CPNE9: variants seen among roughly 807,000 people sequenced by gnomAD.
CPNE9 encodes the protein copine family member 9, also known as copine-9.
CPNE9 carries 59 observed loss-of-function variants against 83.0 expected under a neutral mutation model. The ratio of observed to expected loss-of-function variants is 0.71; its 90% CI spans 0.58 to 0.88. The LOEUF is 0.88. Among genes scored for constraint, CPNE9 ranks in the 40% least tolerant of loss-of-function variants. The probability of loss-of-function intolerance (pLI) is 0.00; values close to 1 mark genes in which losing one functional copy is unlikely to be tolerated. For synonymous variants in CPNE9, 256 were observed against 273.4 expected (o/e 0.94, Z 0.63); for missense variants, 619 against 720.8 (o/e 0.86, Z 1.62).
chr3:9,708,777 C>A (rs573822702), intron 7 of CPNE9, among the ~76,000 whole-genome samples: 4 of 152,068 alleles, frequency 2.6e-5, no homozygotes, highest in African/African-American at 9.6e-5. Context: ...GGACTACAGG[C>A]ACCCGCCACC....
At chr3:9,714,639 TAAAAAAAAAAAAA>T (rs34491669) in intron 10 of CPNE9, among the ~76,000 whole-genome samples, 19 of 103,346 alleles carry the variant, frequency 1.8e-4, no homozygotes, top group African/African-American at 3.5e-4. Context: ...CTCAAAGTGG[TAAAAAAAAAAAAA>T]AAAAAAAAAA....
chr3:9,709,342 A>G (rs1176606088), intron 7 of CPNE9, among the ~76,000 whole-genome samples: 1 of 149,024 alleles, frequency 6.7e-6, no homozygotes, highest in Non-Finnish European at 1.5e-5. Context: ...AAGCAGGAAG[A>G]GAGGTCAAGA....
Position 9,704,441 on chromosome 3 carries a change from A to AC in CPNE9, c.69-145dup, listed in dbSNP as rs1352465978. 2.9e-5 allele frequency: 22 copies of AC among 771,672 alleles called. No homozygotes were observed. The highest frequency in any genetic ancestry group is 5.1e-5 in the Non-Finnish European group (22 of 429,004). The allele number at this position is 771,672 out of a possible 1,614,324, so 47.8% of individuals were successfully genotyped here. ...ATTTCCGGTGCTGTCCAGAGTGCTG[A>AC]CAGAGCGGACCCCGGCTGGGGGTAG... On this transcript the variant is annotated intron_variant, in intron 1 of 20. Transcript: ENST00000383832. This position sits in a 1 kb window ranked among gnomAD's most constrained non-coding sequence, Gnocchi z 7.1.
chr3:9,725,568 G>GTA (rs2076769644), intron 17 of CPNE9, among the ~76,000 whole-genome samples: 1 of 141,092 alleles, frequency 7.1e-6, no homozygotes, highest in East Asian at 2.0e-4. Context: ...GTGTGTGTAT[G>GTA]GATATATATA....
intron 7 of CPNE9, among the ~76,000 whole-genome samples, chr3:9,708,975 GA>G (rs1305338518): frequency 6.7e-6 from 1 of 149,884 alleles, no homozygotes; most frequent in Non-Finnish European, 1.5e-5. Flanking sequence ...GCAAAGGGGA[GA>G]AAAGAAAAGA....
chr3:9,728,748 C>T (rs2076804984), intron 20 of CPNE9, among the ~76,000 whole-genome samples: 1 of 151,512 alleles, frequency 6.6e-6, no homozygotes, highest in African/African-American at 2.4e-5. Context: ...CCTTATCAGC[C>T]CCTCTCCCCC....
Position 9,713,146 on chromosome 3 carries a change from A to G in CPNE9, c.650+67A>G, listed in dbSNP as rs2076646678. On this transcript the variant is annotated intron_variant, in intron 10 of 20. Coordinates refer to ENST00000383832, the MANE Select transcript of CPNE9 (RefSeq NM_153635.3). ...TGCCAGTGTGGTTCCTGGGCCCAAG[A>G]ATGATAGTAGAAGTATCATAATAGC... The G allele has an allele frequency of 3.4e-6, 4 of 1,191,768 alleles. No homozygotes were observed. The Admixed American group carries it at 5.4e-5, about 16-fold the overall frequency. The allele number at this position is 1,191,768 out of a possible 1,614,324, so 73.8% of individuals were successfully genotyped here. A position where few individuals can be genotyped will look rare whatever the true frequency, so the allele number is the denominator to read the frequency against.
chr3:9,712,716 C>A lies in CPNE9; in HGVS notation c.442-9C>A. 1 of 1,613,478 alleles carries A rather than the reference C, an allele frequency of 6.2e-7. No individual in the cohort carries two copies. Among genetic ancestry groups the A allele is most frequent in the Non-Finnish European group, 8.5e-7 (1 of 1,179,432 alleles). On this transcript the variant is annotated splice_polypyrimidine_tract_variant and intron_variant, in intron 8 of 20. Transcript: ENST00000383832. ...GGGGTGCCACCAGCCCAACTTCATC[C>A]ATCCCTAGGACATTGCCACCATGCA...
intron 20 of CPNE9, among the ~76,000 whole-genome samples, chr3:9,728,453 G>A (rs1034366963): frequency 1.1e-4 from 17 of 152,164 alleles, no homozygotes; most frequent in Admixed American, 5.9e-4. Context: ...GAGAAACCCC[G>A]TCTCTACTAA....
chr3:9,707,671 G>T (rs1302625313), intron 7 of CPNE9, among the ~76,000 whole-genome samples: 2 of 151,268 alleles, frequency 1.3e-5, no homozygotes, highest in African/African-American at 4.9e-5. Flanking sequence ...TGTAGTCCCA[G>T]CTACTTGGGA....
chr3:9,715,641 T>C, intron 13 of CPNE9, 115 bp downstream of exon 13: 1 of 893,844 alleles, frequency 1.1e-6, no homozygotes, highest in Non-Finnish European at 1.8e-6. Flanking sequence ...TTACTTGGAA[T>C]AGTAATATTG....
intron 13 of CPNE9, 76 bp from the exon 14 acceptor site, chr3:9,715,898 C>T (rs1559641178): frequency 2.3e-6 from 3 of 1,326,708 alleles, no homozygotes; most frequent in Non-Finnish European, 1.1e-6. Context: ...CTTTCCAAGC[C>T]CCTATGGGCC....
At chr3:9,708,947 C>T (rs1052345534) in intron 7 of CPNE9, among the ~76,000 whole-genome samples, 4 of 149,980 alleles carry the variant, frequency 2.7e-5, no homozygotes, top group African/African-American at 9.7e-5. Flanking sequence ...GTCAAGGAAA[C>T]TTTCAAGGAG....
In CPNE9 at chr3:9,704,813, C is replaced by G. The variant is rs371129996; in HGVS notation, c.156+18C>G. On this transcript the variant is annotated intron_variant, in intron 3 of 20. Coordinates refer to ENST00000383832, the MANE Select transcript of CPNE9 (RefSeq NM_153635.3). The surrounding 1 kb of genome is among the most constrained non-coding windows in gnomAD (Gnocchi z 7.1). ...GGCGGGAGGTGAGTCCCAGAGCCCCCTCCCGGCCCAGGGCGTCGCCCGGGA... is the reference window on the plus strand; with the variant it reads ...GGCGGGAGGTGAGTCCCAGAGCCCCGTCCCGGCCCAGGGCGTCGCCCGGGA... 16 of 1,602,942 alleles carry G rather than the reference C, an allele frequency of 1.0e-5. No individual in the cohort carries two copies. Among genetic ancestry groups the G allele is most frequent in the Non-Finnish European group, 1.4e-5 (16 of 1,175,232 alleles).
In CPNE9 at chr3:9,718,071, A is replaced by T. The variant is rs764518389; in HGVS notation, c.974A>T (p.Tyr325Phe). The T allele has an allele frequency of 4.3e-6, 7 of 1,613,952 alleles. No homozygotes were observed. In the Admixed American group the frequency reaches 1.0e-4, roughly 23 times the overall value. The change falls in exon 16 of 21, where the codon TAC (tyrosine) becomes TTC (phenylalanine). Residue 325 changes from tyrosine to phenylalanine, a missense_variant. Physicochemically the swap from Tyr to Phe is conservative, Grantham distance 22. Coordinates refer to ENST00000383832, the MANE Select transcript of CPNE9 (RefSeq NM_153635.3). ...ACCTCCCTGCACTACATGAGTCCCT[A>T]CCAGCTCAGCGCCTATGCCATGGCC... ...QPTSLHYMSP[Y>F]QLSAYAMALK...
chr3:9,709,207 C>T (rs1283826629), intron 7 of CPNE9, among the ~76,000 whole-genome samples: 29 of 142,630 alleles, frequency 2.0e-4, no homozygotes, highest in Non-Finnish European at 3.3e-4. Context: ...ACCCGGGAGG[C>T]GGAGGTTGCA....
intron 17 of CPNE9, among the ~76,000 whole-genome samples, chr3:9,724,766 ATCTATCTG>A (rs1559645467): frequency 2.4e-5 from 3 of 124,696 alleles, no homozygotes; most frequent in Non-Finnish European, 5.1e-5. Flanking sequence ...CTATCTATCT[ATCTATCTG>A]AGACGGAGTC....
At position 9,725,979 on chromosome 3, in the gene CPNE9, G is replaced by C. The variant is rs773589614; in HGVS notation, c.1272G>C (p.Gln424His). The C allele has an allele frequency of 1.2e-6, 2 of 1,613,614 alleles. No homozygotes were observed. Among genetic ancestry groups the C allele is most frequent in the South Asian group, 2.2e-5 (2 of 91,062 alleles). The change falls in exon 18 of 21, where the codon CAG becomes CAC. Residue 424 changes from glutamine to histidine, a missense_variant. Physicochemically the swap from Gln to His is conservative, Grantham distance 24. Coordinates refer to ENST00000383832, the MANE Select transcript of CPNE9 (RefSeq NM_153635.3). ...RAAAKISDGS[Q>H]YYVLLIITDG... ...CAGCCAAGATCTCTGATGGCTCCCA[G>C]TACTATGTTCTGCTCATCATCACTG...
In CPNE9 at chr3:9,726,711, C is replaced by T. The variant is rs752692721; in HGVS notation, c.1391C>T (p.Ala464Val). 1 of 1,613,800 alleles carries T rather than the reference C, an allele frequency of 6.2e-7. No homozygotes were observed. ...MSIIIVGVGP[A>V]MFEAMEELDG... Reference sequence around the variant, plus strand: ...ATCATTATCGTCGGTGTAGGACCAGCCATGTTTGAGGGTGAGTAGGAAGGG... The same window carrying T: ...ATCATTATCGTCGGTGTAGGACCAGTCATGTTTGAGGGTGAGTAGGAAGGG... The change falls in exon 19 of 21, where the codon GCC becomes GTC. Residue 464 changes from alanine to valine, a missense_variant. This residue lies in a region of CPNE9 where 438 missense variants were observed against 562.9 expected (regional missense o/e 0.78). Coordinates refer to ENST00000383832, the MANE Select transcript of CPNE9 (RefSeq NM_153635.3).
Sources: gnomAD v4.1 joint callset for allele counts (sites outside exome capture counted in the v4.1 genomes callset) on GRCh38, gnomAD v4.1.1 for gene constraint, gnomAD v4.1.1 regional missense constraint, Gnocchi (gnomAD v3.1) non-coding constraint, MANE v1.5 for transcripts, NCBI Gene and HGNC (gene_info 2026-07-23, HGNC 2026-07-21) for gene names.